PPP4R3B: variants seen among roughly 807,000 people sequenced by gnomAD.
The protein encoded by PPP4R3B is protein phosphatase 4 regulatory subunit 3B.
PPP4R3B carries 52 observed loss-of-function variants against 95.4 expected under a neutral mutation model. That is an observed-to-expected ratio of 0.54 (90% CI 0.44 to 0.69). The LOEUF is 0.69. Among genes scored for constraint, PPP4R3B ranks in the 30% least tolerant of loss-of-function variants. PPP4R3B has a pLI of 0.00. For synonymous variants in PPP4R3B, 407 were observed against 343.9 expected (o/e 1.18, Z -2.03); for missense variants, 1,003 against 1,005.9 (o/e 1.00, Z 0.04).
intron 4 of PPP4R3B, among the ~76,000 whole-genome samples, chr2:55,591,322 TACAG>T (rs1690990541): frequency 6.8e-6 from 1 of 146,230 alleles, no homozygotes; most frequent in Non-Finnish European, 1.5e-5. Flanking sequence ...TAATTTTTTG[TACAG>T]ATGGGGGGGT....
chr2:55,587,850 C>T (rs984923901), intron 5 of PPP4R3B, among the ~76,000 whole-genome samples: 10 of 152,116 alleles, frequency 6.6e-5, no homozygotes, highest in African/African-American at 2.4e-4. Flanking sequence ...ACGAAGTAGG[C>T]TACTAATAAG....
chr2:55,607,643 C>G (rs1693603459), intron 2 of PPP4R3B, among the ~76,000 whole-genome samples: 1 of 152,144 alleles, frequency 6.6e-6, no homozygotes, highest in East Asian at 1.9e-4. Context: ...AAACCCAGTC[C>G]TAATGGGCTT....
chr2:55,566,994 G>A (rs1378810047), intron 13 of PPP4R3B, among the ~76,000 whole-genome samples: 1 of 152,238 alleles, frequency 6.6e-6, no homozygotes, highest in African/African-American at 2.4e-5. Flanking sequence ...GCAACAGCAT[G>A]AGACCTTGTC....
At chr2:55,562,471 T>A (rs752708356) in intron 15 of PPP4R3B, among the ~76,000 whole-genome samples, 1 of 152,062 alleles carries the variant, frequency 6.6e-6, no homozygotes, top group African/African-American at 2.4e-5. Flanking sequence ...TCCTTCACAC[T>A]CTCTGTCTCC....
chr2:55,570,216 C>A (rs1457509039), intron 12 of PPP4R3B, among the ~76,000 whole-genome samples: 2 of 152,172 alleles, frequency 1.3e-5, no homozygotes, highest in Non-Finnish European at 2.9e-5. Context: ...TGCCACTACA[C>A]CCCAGCATGG....
intron 2 of PPP4R3B, among the ~76,000 whole-genome samples, chr2:55,612,871 G>T (rs775669638): frequency 6.6e-6 from 1 of 151,800 alleles, no homozygotes; most frequent in Non-Finnish European, 1.5e-5. Context: ...GTGTGAACCC[G>T]GGAGGCGAAG....
intron 1 of PPP4R3B, among the ~76,000 whole-genome samples, 187 bp downstream of exon 1, chr2:55,616,957 A>T (rs1457814650): frequency 2.0e-5 from 3 of 152,080 alleles, no homozygotes; most frequent in East Asian, 1.9e-4. Context: ...AAGGACAGAG[A>T]GTCTCGGTCT....
intron 4 of PPP4R3B, 107 bp from the exon 5 acceptor site, chr2:55,589,063 A>G: frequency 1.5e-6 from 1 of 686,602 alleles, no homozygotes; most frequent in Non-Finnish European, 2.4e-6. Context: ...TAGTATTTTC[A>G]TCATGAAACC....
intron 5 of PPP4R3B, among the ~76,000 whole-genome samples, chr2:55,587,580 T>C (rs1574820088): frequency 6.6e-6 from 1 of 152,316 alleles, no homozygotes; most frequent in Middle Eastern, 3.4e-3. Flanking sequence ...CAAGACTCTT[T>C]TTCGAAAAGA....
chr2:55,580,781 A>T (rs1218882071), intron 8 of PPP4R3B, among the ~76,000 whole-genome samples: 2 of 152,200 alleles, frequency 1.3e-5, no homozygotes, highest in Non-Finnish European at 2.9e-5. Flanking sequence ...TTTTATAAAG[A>T]AAAATATCCC....
chr2:55,611,130 G>C (rs1694109941), intron 2 of PPP4R3B, among the ~76,000 whole-genome samples: 1 of 152,060 alleles, frequency 6.6e-6, no homozygotes, highest in Admixed American at 6.6e-5. Context: ...CCAAAGTGTT[G>C]AGATTACAAG....
intron 4 of PPP4R3B, among the ~76,000 whole-genome samples, chr2:55,595,303 G>A (rs2104410526): frequency 6.6e-6 from 1 of 151,922 alleles, no homozygotes; most frequent in Non-Finnish European, 1.5e-5. Context: ...GGGATTACAG[G>A]CATGAGCCAC....
intron 1 of PPP4R3B, among the ~76,000 whole-genome samples, chr2:55,615,834 G>A (rs1694821222): frequency 8.4e-6 from 1 of 118,900 alleles, no homozygotes; most frequent in South Asian, 2.7e-4. Context: ...CTCCAGCCTG[G>A]CAACAGAGCA....
chr2:55,565,047 T>A lies in PPP4R3B; in HGVS notation c.1936-6A>T, dbSNP rs999771621. Reference sequence around the variant, plus strand: ...GTAAGAGACTTGATATCTTCCTGTATAAGCACAAAATTTACATTTAAAATA... The same window carrying A: ...GTAAGAGACTTGATATCTTCCTGTAAAAGCACAAAATTTACATTTAAAATA... On this transcript the variant is annotated splice_region_variant and splice_polypyrimidine_tract_variant and intron_variant, in intron 13 of 16. Transcript: ENST00000616407. 1.9e-6 allele frequency: 3 copies of A among 1,552,940 alleles called. No homozygotes were observed. The highest frequency in any genetic ancestry group is 2.6e-6 in the Non-Finnish European group (3 of 1,154,564).
chr2:55,598,870 G>C lies in PPP4R3B; in HGVS notation c.467C>G (p.Pro156Arg). The change falls in exon 4 of 17, where the codon CCT becomes CGT. Residue 156 changes from proline (P) to arginine (R), a missense_variant. Around this residue, in one of 3 missense-constraint regions of PPP4R3B, gnomAD observed 695 missense variants for 686.2 expected, o/e 1.01. Transcript: ENST00000616407. ...ADLVTSVLSS[P>R]IRREKLALAL... is the part of the protein sequence containing the mutation. The stretch of plus-strand genomic sequence containing the variant: ...GAGAGCCAGCTTTTCCCTACGGATA[G>C]GTGAGGAGAGCACTGAGGTAACTAA... 9.3e-6 allele frequency: 15 copies of C among 1,614,204 alleles called. No homozygotes were observed. The highest frequency in any genetic ancestry group is 1.6e-4 in the Middle Eastern group (1 of 6,062).
At chr2:55,594,342 A>G (rs909867650) in intron 4 of PPP4R3B, among the ~76,000 whole-genome samples, 1 of 151,966 alleles carries the variant, frequency 6.6e-6, no homozygotes, top group Non-Finnish European at 1.5e-5. Context: ...TTGCTGGCAC[A>G]TAAGAGATAA....
At chr2:55,591,412 G>GGACT in intron 4 of PPP4R3B, 1 of 532,690 alleles carries the variant, frequency 1.9e-6, no homozygotes, top group Non-Finnish European at 2.4e-6. Flanking sequence ...CAAAGTGCTA[G>GGACT]GACTACAGGC....
chr2:55,615,641 G>A (rs1694788122), intron 1 of PPP4R3B, 135 bp from the exon 2 acceptor site: 2 of 566,002 alleles, frequency 3.5e-6, no homozygotes, highest in Admixed American at 7.1e-5. Context: ...AGATCACGAG[G>A]TCAAGAGATC....
intron 1 of PPP4R3B, chr2:55,616,727 AT>A (rs969058581): frequency 1.9e-4 from 28 of 151,310 alleles, no homozygotes; most frequent in South Asian, 2.1e-4. Context: ...CGTTGGTACA[AT>A]TTTTTTTTTT....
Sources: gnomAD v4.1 joint callset for allele counts (sites outside exome capture counted in the v4.1 genomes callset) on GRCh38, gnomAD v4.1.1 for gene constraint, gnomAD v4.1.1 regional missense constraint, MANE v1.5 for transcripts, NCBI Gene and HGNC (gene_info 2026-07-23, HGNC 2026-07-21) for gene names.